The following SIRPA variants were observed in gnomAD, a reference collection of about 807,000 sequenced individuals.
SIRPA encodes the protein signal regulatory protein alpha.
SIRPA carries 9 observed loss-of-function variants against 50.3 expected under a neutral mutation model. The ratio of observed to expected loss-of-function variants is 0.18; its 90% CI spans 0.11 to 0.31. The LOEUF is 0.31. SIRPA is among the 10% of genes least tolerant of loss of function. The probability of loss-of-function intolerance (pLI) is 1.00; values close to 1 mark genes in which losing one functional copy is unlikely to be tolerated. For missense variants in SIRPA, 474 were observed against 661.6 expected (o/e 0.72, Z 3.11); for synonymous variants, 265 against 284.1 (o/e 0.93, Z 0.68).
upstream of SIRPA, chr20:1,894,268 C>A (rs1379744962): frequency 6.6e-6 from 1 of 151,742 alleles, no homozygotes; most frequent in Non-Finnish European, 1.5e-5. The surrounding 1 kb of genome is among the most constrained non-coding windows in gnomAD (Gnocchi z 4.0). Flanking sequence ...GCCCCCCGCG[C>A]CCCCGCGCCC....
Position 1,921,614 on chromosome 20 carries a change from G to A in SIRPA, c.656G>A (p.Arg219His), listed in dbSNP as rs140075472. 78 of 1,614,182 alleles carry A rather than the reference G, an allele frequency of 4.8e-5. No individual in the cohort carries two copies. In the African/African-American group the frequency reaches 8.1e-4, roughly 17 times the overall value. The change falls in exon 3 of 8, where the codon CGC becomes CAC. Residue 219 changes from arginine to histidine, a missense_variant. Arg to His is a conservative substitution (Grantham distance 29). Transcript: ENST00000358771. ...IHSTAKVVLTREDVHSQVICE... is the reference protein window; with the variant it reads ...IHSTAKVVLTHEDVHSQVICE... ...AGCACAGCCAAGGTGGTGCTGACCCGCGAGGACGTTCACTCTCAAGTCATC... is the reference window on the plus strand; with the variant it reads ...AGCACAGCCAAGGTGGTGCTGACCCACGAGGACGTTCACTCTCAAGTCATC...
At chr20:1,913,171 AATGGTAAT>A (rs1450454514) in intron 1 of SIRPA, among the ~76,000 whole-genome samples, 1 of 152,234 alleles carries the variant, frequency 6.6e-6, no homozygotes, top group African/African-American at 2.4e-5. Context: ...AGGAAGTCGA[AATGGTAAT>A]ATTTACACCC....
Position 1,927,868 on chromosome 20 carries a change from C to A in SIRPA, c.1202-7C>A. 1 of 1,613,840 alleles carries A rather than the reference C, an allele frequency of 6.2e-7. No individual in the cohort carries two copies. Among genetic ancestry groups the A allele is most frequent in the Non-Finnish European group, 8.5e-7 (1 of 1,179,706 alleles). On this transcript the variant is annotated splice_polypyrimidine_tract_variant and splice_region_variant and intron_variant, in intron 5 of 7. Coordinates refer to ENST00000358771, the MANE Select transcript of SIRPA (RefSeq NM_001040023.2). This position sits in a 1 kb window ranked among gnomAD's most constrained non-coding sequence, Gnocchi z 6.5. Reference sequence around the variant, plus strand: ...AACAACTGGCTTTTGTTTCTTTTGTCTTTCAGCCCAGGGCTCCACTTCTTC... The same window carrying A: ...AACAACTGGCTTTTGTTTCTTTTGTATTTCAGCCCAGGGCTCCACTTCTTC...
Position 1,937,390 on chromosome 20 carries a change from A to C in SIRPA, c.1337A>C (p.Glu446Ala). ...AAGAAGCCTGCTCCCCAGGCTGCGG[A>C]GCCCAACAACCACACGGAGTATGCC... ...KGKKPAPQAA[E>A]PNNHTEYASI... is the part of the protein sequence containing the mutation. The change falls in exon 8 of 8, where the codon GAG becomes GCG. Residue 446 changes from glutamate to alanine, a missense_variant. By Grantham distance (107) the Glu-to-Ala change is moderately radical. This residue lies in a region of SIRPA where 180 missense variants were observed against 206.7 expected (regional missense o/e 0.87). Coordinates refer to ENST00000358771, the MANE Select transcript of SIRPA (RefSeq NM_001040023.2). This position sits in a 1 kb window ranked among gnomAD's most constrained non-coding sequence, Gnocchi z 8.3. 3.7e-6 allele frequency: 6 copies of C among 1,614,112 alleles called. No individual in the cohort carries two copies. The highest frequency in any genetic ancestry group is 5.1e-6 in the Non-Finnish European group (6 of 1,180,008).
chr20:1,930,940 T>C (rs1177887333), intron 6 of SIRPA, among the ~76,000 whole-genome samples: 1 of 152,232 alleles, frequency 6.6e-6, no homozygotes, highest in East Asian at 1.9e-4. Flanking sequence ...GACAATGAGT[T>C]TCTGGAAGAA....
rs151281824 is a variant in SIRPA at position 1,927,275 on chromosome 20, C to T, written c.1202-600C>T. Among the ~76,000 whole-genome samples, 131 of 152,292 alleles carry T rather than the reference C, an allele frequency of 8.6e-4. 1 individual carries two copies. The highest frequency in any genetic ancestry group is 2.9e-3 in the African/African-American group (122 of 41,558). On this transcript the variant is annotated intron_variant, in intron 5 of 7. Coordinates refer to ENST00000358771, the MANE Select transcript of SIRPA (RefSeq NM_001040023.2). The surrounding 1 kb of genome is among the most constrained non-coding windows in gnomAD (Gnocchi z 6.5). The stretch of plus-strand genomic sequence containing the variant: ...CCCTGGAGGCTTCTCTGTGGGTTAC[C>T]CCATATCACAGGTTTAAAACCTCTG...
rs1451463747 is a variant in SIRPA at position 1,938,444 on chromosome 20, TAAAAC to T, written c.*879_*883del. 3 of 152,698 alleles carry T rather than the reference TAAAAC, an allele frequency of 2.0e-5. No homozygotes were observed. Among genetic ancestry groups the T allele is most frequent in the African/African-American group, 7.2e-5 (3 of 41,460 alleles). 9.5% of individuals were successfully genotyped at this position (152,698 alleles called of 1,614,324 possible). On this transcript the variant is annotated 3_prime_UTR_variant, in exon 8 of 8. Transcript: ENST00000358771. The stretch of plus-strand genomic sequence containing the variant: ...TGGTGTTTTGTTTTGTTTTTTTTCT[TAAAAC>T]AACAGCAACGTGATCTTGGCTGTCT...
In SIRPA at chr20:1,938,444, T is replaced by G. The variant is rs967173992; in HGVS notation, c.*876T>G. ...TGGTGTTTTGTTTTGTTTTTTTTCT[T>G]AAAACAACAGCAACGTGATCTTGGC... On this transcript the variant is annotated 3_prime_UTR_variant, in exon 8 of 8. Transcript: ENST00000358771. 6.5e-6 allele frequency: 1 copy of G among 152,698 alleles called. No individual in the cohort carries two copies. The highest frequency in any genetic ancestry group is 6.5e-5 in the Admixed American group (1 of 15,286). The allele number at this position is 152,698 out of a possible 1,614,324, so 9.5% of individuals were successfully genotyped here.
intron 1 of SIRPA, among the ~76,000 whole-genome samples, chr20:1,910,083 G>A (rs1044449732): frequency 2.6e-5 from 4 of 152,110 alleles, no homozygotes; most frequent in Non-Finnish European, 4.4e-5. Context: ...TTGCCCAGGG[G>A]GGTTAGGTAC....
At chr20:1,895,072 G>GCCTCGCT (rs917537375), upstream of SIRPA, among the ~76,000 whole-genome samples, 18 of 150,908 alleles carry the variant, frequency 1.2e-4, no homozygotes, top group Non-Finnish European at 2.2e-4. Context: ...TCTGCGCGCC[G>GCCTCGCT]CCTCGCTCCT....
chr20:1,918,360 C>CCTTTTTTTTTTTTTTTTTTTT (rs745958149), intron 2 of SIRPA, among the ~76,000 whole-genome samples: 1 of 95,698 alleles, frequency 1.0e-5, no homozygotes. Flanking sequence ...ACCACACCAG[C>CCTTTTTTTTTTTTTTTTTTTT]TTTTTTTTTT....
chr20:1,915,261 A>G lies in SIRPA; in HGVS notation c.242A>G (p.Asn81Ser). 6.2e-7 allele frequency: 1 copy of G among 1,613,000 alleles called. No individual in the cohort carries two copies. The highest frequency in any genetic ancestry group is 8.5e-7 in the Non-Finnish European group (1 of 1,179,664). ...GAGPGRELIY[N>S]QKEGHFPRVT... is the part of the protein sequence containing the mutation. ...GGACCAGGCCGGGAATTAATCTACAATCAAAAAGAAGGCCACTTCCCCCGG... is the reference window on the plus strand; with the variant it reads ...GGACCAGGCCGGGAATTAATCTACAGTCAAAAAGAAGGCCACTTCCCCCGG... The change falls in exon 2 of 8, where the codon AAT (asparagine) becomes AGT (serine). Residue 81 changes from asparagine (N) to serine (S), a missense_variant. By Grantham distance (46) the Asn-to-Ser change is conservative. Around this residue, in one of 4 missense-constraint regions of SIRPA, gnomAD observed 221 missense variants for 359.9 expected, o/e 0.61. Coordinates refer to ENST00000358771, the MANE Select transcript of SIRPA (RefSeq NM_001040023.2).
In SIRPA at chr20:1,937,337, A is replaced by T. The variant is rs747659058; in HGVS notation, c.1284A>T (p.Thr428=). The T allele has an allele frequency of 7.4e-6, 12 of 1,613,818 alleles. No homozygotes were observed. The African/African-American group carries it at 1.5e-4, about 20-fold the overall frequency. ...REITQDTNDI[T]YADLNLPKGK... is the part of the protein sequence containing the mutation. The stretch of plus-strand genomic sequence containing the variant: ...AAATCCAGGACACAAATGATATCAC[A>T]TATGCAGACCTGAACCTGCCCAAGG... The change falls in exon 8 of 8, where the codon ACA becomes ACT. Residue 428 remains threonine, a synonymous_variant. Coordinates refer to ENST00000358771, the MANE Select transcript of SIRPA (RefSeq NM_001040023.2). This position sits in a 1 kb window ranked among gnomAD's most constrained non-coding sequence, Gnocchi z 8.3.
chr20:1,921,520 G>A lies in SIRPA; in HGVS notation c.562G>A (p.Gly188Arg), dbSNP rs1157839332. Residue 188 changes from glycine to arginine, a missense_variant, in exon 3 of 8, where the codon GGG becomes AGG. Physicochemically the swap from Gly to Arg is moderately radical, Grantham distance 125. Transcript: ENST00000358771. ...RDITLKWFKNGNELSDFQTNV... is the reference protein window; with the variant it reads ...RDITLKWFKNRNELSDFQTNV... ...CATCACCCTGAAATGGTTCAAAAAT[G>A]GGAATGAGCTCTCAGACTTCCAGAC... 7 of 1,614,124 alleles carry A rather than the reference G, an allele frequency of 4.3e-6. No homozygotes were observed. The highest frequency in any genetic ancestry group is 5.9e-6 in the Non-Finnish European group (7 of 1,179,990).
In SIRPA at chr20:1,936,648, T is replaced by TC. The variant is rs1379416097; in HGVS notation, c.1267-671dup. Reference sequence around the variant, plus strand: ...AAATTATTGCCATCCACTCATATATTCATTCAATATGGATCAGACTTCTTA... The same window carrying TC: ...AAATTATTGCCATCCACTCATATATTCCATTCAATATGGATCAGACTTCTTA... On this transcript the variant is annotated intron_variant, in intron 7 of 7. Transcript: ENST00000358771. This position sits in a 1 kb window ranked among gnomAD's most constrained non-coding sequence, Gnocchi z 4.2. Among the ~76,000 whole-genome samples, 52 of 152,328 alleles carry TC rather than the reference T, an allele frequency of 3.4e-4. No homozygotes were observed. The highest frequency in any genetic ancestry group is 1.2e-3 in the African/African-American group (48 of 41,568).
rs182754537 is a variant in SIRPA at position 1,933,791 on chromosome 20, T to C, written c.1227-924T>C. ...CCGGCTTGAGAATTTACACAACTTC[T>C]GCCAAGCCAGTGGCTCTGGTTTGCT... is the stretch of plus-strand genomic sequence containing the variant. On this transcript the variant is annotated intron_variant, in intron 6 of 7. Coordinates refer to ENST00000358771, the MANE Select transcript of SIRPA (RefSeq NM_001040023.2). The surrounding 1 kb of genome is among the most constrained non-coding windows in gnomAD (Gnocchi z 4.4). Among the ~76,000 whole-genome samples the C allele has an allele frequency of 7.6e-4, 116 of 152,330 alleles. No homozygotes were observed. The highest frequency in any genetic ancestry group is 1.4e-3 in the Non-Finnish European group (92 of 68,022).
intron 1 of SIRPA, among the ~76,000 whole-genome samples, chr20:1,899,328 G>T (rs1280479390): frequency 6.6e-6 from 1 of 152,060 alleles, no homozygotes; most frequent in Non-Finnish European, 1.5e-5. Flanking sequence ...GGATAACCAG[G>T]CTTCCTCCCT....
At chr20:1,901,127 CATT>C (rs1289073768) in intron 1 of SIRPA, among the ~76,000 whole-genome samples, 1 of 140,328 alleles carries the variant, frequency 7.1e-6, no homozygotes, top group Non-Finnish European at 1.6e-5. Context: ...GTGCTCCTCT[CATT>C]TTTGTTTTTG....
At chr20:1,894,872 G>C (rs1020222418), upstream of SIRPA, 1 of 147,510 alleles carries the variant, frequency 6.8e-6, no homozygotes, top group Admixed American at 6.7e-5. This position sits in a 1 kb window ranked among gnomAD's most constrained non-coding sequence, Gnocchi z 4.0. Flanking sequence ...AAGGAGGGAG[G>C]GGGTCGGGCT....
Sources: allele counts gnomAD v4.1 joint callset (sites outside exome capture counted in the v4.1 genomes callset), GRCh38; gene constraint gnomAD v4.1.1; regional missense constraint gnomAD v4.1.1; non-coding constraint Gnocchi (gnomAD v3.1); transcripts MANE v1.5; gene names NCBI Gene and HGNC (gene_info 2026-07-23, HGNC 2026-07-21).